Variants in PPP3CC observed in about 807,000 individuals in gnomAD.
The protein encoded by PPP3CC is serine/threonine-protein phosphatase 2B catalytic subunit gamma isoform.
Under a neutral mutation model 60.3 loss-of-function variants are expected in PPP3CC, and 35 were observed. The observed-to-expected ratio is 0.58, with a 90% CI of 0.44 to 0.77. The LOEUF (loss-of-function observed/expected upper bound fraction) is 0.77. PPP3CC is among the 30% of genes least tolerant of loss of function. PPP3CC has a pLI of 0.00. For synonymous variants in PPP3CC, 206 were observed against 224.3 expected (o/e 0.92, Z 0.73); for missense variants, 570 against 628.9 (o/e 0.91, Z 1.00).
intron 1 of PPP3CC, among the ~76,000 whole-genome samples, chr8:22,463,392 A>G (rs1837420814): frequency 6.6e-6 from 1 of 152,216 alleles, no homozygotes; most frequent in African/African-American, 2.4e-5. Flanking sequence ...AACATTTACA[A>G]AAGTTCTTTT....
chr8:22,520,321 C>A (rs901772843), intron 6 of PPP3CC, among the ~76,000 whole-genome samples: 1 of 151,974 alleles, frequency 6.6e-6, no homozygotes, highest in Non-Finnish European at 1.5e-5. Flanking sequence ...TATTTGGAGA[C>A]CTTTGGGCTT....
chr8:22,532,037 T>G (rs1040905937), intron 10 of PPP3CC, among the ~76,000 whole-genome samples, 188 bp from the exon 11 acceptor site: 2 of 152,254 alleles, frequency 1.3e-5, no homozygotes, highest in African/African-American at 4.8e-5. Context: ...TCTTTTTATC[T>G]TCTGAGTCAT....
intron 1 of PPP3CC, among the ~76,000 whole-genome samples, chr8:22,461,382 A>G (rs1837358140): frequency 6.6e-6 from 1 of 152,092 alleles, no homozygotes; most frequent in South Asian, 2.1e-4. Context: ...TATCCAAAAC[A>G]CTCTGATTCC....
At chr8:22,477,528 G>A (rs1015062346) in intron 3 of PPP3CC, among the ~76,000 whole-genome samples, 1 of 151,964 alleles carries the variant, frequency 6.6e-6, no homozygotes, top group African/African-American at 2.4e-5. Context: ...GACACATTGA[G>A]TTCAGTTTAT....
chr8:22,475,502 T>C lies in PPP3CC; in HGVS notation c.250T>C (p.Cys84Arg). 1 of 1,609,200 alleles carries C rather than the reference T, an allele frequency of 6.2e-7. No homozygotes were observed. The highest frequency in any genetic ancestry group is 8.5e-7 in the Non-Finnish European group (1 of 1,177,486). ...MIEVDAPITVCGDIHGQFFDL... is the reference protein window; with the variant it reads ...MIEVDAPITVRGDIHGQFFDL... ...TCACTTTATGCTTTTTTTCCTAGTA[T>C]GTGGTGATATTCATGGACAATTCTT... Residue 84 changes from cysteine (C) to arginine (R), a missense_variant and splice_region_variant, in exon 3 of 14, where the codon TGT becomes CGT. Transcript: ENST00000240139.
At chr8:22,514,464 CTTT>C (rs1256823856) in intron 6 of PPP3CC, among the ~76,000 whole-genome samples, 3 of 150,864 alleles carry the variant, frequency 2.0e-5, no homozygotes, top group Admixed American at 6.6e-5. Flanking sequence ...TCTAAACAAC[CTTT>C]TTTTCTTTAA....
chr8:22,452,850 T>C lies in PPP3CC; in HGVS notation c.49+11392T>C, dbSNP rs186723573. Among the ~76,000 whole-genome samples, 4 of 152,344 alleles carry C rather than the reference T, an allele frequency of 2.6e-5. No homozygotes were observed. In the East Asian group the frequency reaches 7.7e-4, roughly 29 times the overall value. ...TCATCATAAGAATTACTGTCTCCTA[T>C]GAGCTCCCATAAACAATCTCATTGC... On this transcript the variant is annotated intron_variant, in intron 1 of 13. Coordinates refer to ENST00000240139, the MANE Select transcript of PPP3CC (RefSeq NM_005605.5).
chr8:22,447,984 T>C (rs1836883841), intron 1 of PPP3CC, among the ~76,000 whole-genome samples: 1 of 152,246 alleles, frequency 6.6e-6, no homozygotes, highest in Non-Finnish European at 1.5e-5. Context: ...TTTTTTGCAG[T>C]GTCTAGACAA....
intron 6 of PPP3CC, among the ~76,000 whole-genome samples, chr8:22,521,567 A>T (rs1472188009): frequency 6.6e-6 from 1 of 152,144 alleles, no homozygotes; most frequent in African/African-American, 2.4e-5. Flanking sequence ...ATGGCCATGG[A>T]TGGCTTCCAA....
chr8:22,495,103 C>A (rs78124492), intron 3 of PPP3CC, among the ~76,000 whole-genome samples: 2,599 of 151,896 alleles, frequency 0.017, 184 homozygotes, highest in Admixed American at 0.12. Flanking sequence ...ACGTGACCAC[C>A]ACATCTGGCT....
chr8:22,463,748 G>T lies in PPP3CC; in HGVS notation c.50-11206G>T, dbSNP rs374233401. On this transcript the variant is annotated intron_variant, in intron 1 of 13. Coordinates refer to ENST00000240139, the MANE Select transcript of PPP3CC (RefSeq NM_005605.5). ...AACCTAGAAATAAAATCCTTTTTTA[G>T]ATAGCTATTGTGGCAGTCTTTGTAC... 1.8e-4 allele frequency among the ~76,000 whole-genome samples: 27 copies of T among 150,988 alleles called. No individual in the cohort carries two copies. The East Asian group carries it at 1.9e-3, about 11-fold the overall frequency.
At chr8:22,493,075 T>G in intron 3 of PPP3CC, 1 of 1,532,520 alleles carries the variant, frequency 6.5e-7, no homozygotes, top group Non-Finnish European at 9.0e-7. Flanking sequence ...GCTTCCAAGA[T>G]GGAGAATTTT....
Position 22,441,128 on chromosome 8 carries a change from C to T in PPP3CC, c.-282C>T, listed in dbSNP as rs764636533. 2 of 319,564 alleles carry T rather than the reference C, an allele frequency of 6.3e-6. No individual in the cohort carries two copies. Among genetic ancestry groups the T allele is most frequent in the Non-Finnish European group, 1.1e-5 (2 of 175,702 alleles). The allele number at this position is 319,564 out of a possible 1,614,324, so 19.8% of individuals were successfully genotyped here. ...GCAGCCGCGGCCGTCCCGGTCGCCA[C>T]CCTTAGCAGCGGTCGCGGTCGGTGC... On this transcript the variant is annotated 5_prime_UTR_variant, in exon 1 of 14. Coordinates refer to ENST00000240139, the MANE Select transcript of PPP3CC (RefSeq NM_005605.5).
At chr8:22,514,485 T>C (rs1181279835) in intron 6 of PPP3CC, among the ~76,000 whole-genome samples, 1 of 151,786 alleles carries the variant, frequency 6.6e-6, no homozygotes, top group Non-Finnish European at 1.5e-5. Flanking sequence ...TAAAAAAATA[T>C]TTTTTAAAAT....
intron 1 of PPP3CC, among the ~76,000 whole-genome samples, chr8:22,448,070 A>T (rs756084012): frequency 2.6e-5 from 4 of 152,246 alleles, no homozygotes; most frequent in Non-Finnish European, 5.9e-5. Context: ...GTAATTACCT[A>T]TGTAACATTC....
At chr8:22,536,173 G>C (rs977784005) in intron 12 of PPP3CC, among the ~76,000 whole-genome samples, 3 of 152,168 alleles carry the variant, frequency 2.0e-5, no homozygotes, top group African/African-American at 7.2e-5. Flanking sequence ...TAGTTTCACA[G>C]AAAGTATCAG....
At chr8:22,458,101 C>CA (rs994674180) in intron 1 of PPP3CC, among the ~76,000 whole-genome samples, 151 of 150,584 alleles carry the variant, frequency 1.0e-3, no homozygotes, top group African/African-American at 2.8e-3. Context: ...CACCAAAAAA[C>CA]AAAAAAAACA....
At chr8:22,493,035 G>T in intron 3 of PPP3CC, 1 of 1,367,904 alleles carries the variant, frequency 7.3e-7, no homozygotes. Flanking sequence ...TGACGATGAA[G>T]TTCCAGCTCT....
At chr8:22,442,428 A>T (rs1384530145) in intron 1 of PPP3CC, among the ~76,000 whole-genome samples, 1 of 152,200 alleles carries the variant, frequency 6.6e-6, no homozygotes, top group Non-Finnish European at 1.5e-5. Flanking sequence ...GGCAACTAAT[A>T]CTAGTGACGG....
Sources: gnomAD v4.1 joint callset for allele counts (sites outside exome capture counted in the v4.1 genomes callset) on GRCh38, gnomAD v4.1.1 for gene constraint, MANE v1.5 for transcripts, NCBI Gene and HGNC (gene_info 2026-07-23, HGNC 2026-07-21) for gene names.